STYK1: variants seen among roughly 807,000 people sequenced by gnomAD.
The protein encoded by STYK1 is STY kinase 1.
STYK1 carries 46 observed loss-of-function variants against 48.1 expected under a neutral mutation model. The observed-to-expected ratio is 0.96, with a 90% CI of 0.75 to 1.22. The LOEUF is 1.22. Among genes scored for constraint, STYK1 ranks in the 50% most tolerant of loss-of-function variants. The probability of loss-of-function intolerance (pLI) is 0.00; values close to 1 mark genes in which losing one functional copy is unlikely to be tolerated. For synonymous variants in STYK1, 188 were observed against 189.0 expected, an observed-to-expected ratio of 0.99 and a Z score of 0.04; for missense variants, 527 against 521.1, an observed-to-expected ratio of 1.01 and a Z score of -0.11.
chr12:10,624,526 G>C, intron 8 of STYK1, 125 bp downstream of exon 8: 1 of 819,932 alleles, frequency 1.2e-6, no homozygotes. Context: ...TTCTGCTTGA[G>C]AGTATGTCTG....
chr12:10,635,708 T>C (rs931144814), intron 2 of STYK1, among the ~76,000 whole-genome samples: 1 of 152,254 alleles, frequency 6.6e-6, no homozygotes, highest in Non-Finnish European at 1.5e-5. Context: ...AAGTAGACTC[T>C]AGTTATTAGT....
chr12:10,653,604 C>T (rs2120752756), intron 1 of STYK1, among the ~76,000 whole-genome samples: 1 of 152,186 alleles, frequency 6.6e-6, no homozygotes, highest in South Asian at 2.1e-4. Flanking sequence ...ATATCATTTC[C>T]TCAAAATCCA....
rs187824694 is a variant in STYK1, at chr12:10,643,455, T to G, written c.-194-6259A>C. On this transcript the variant is annotated intron_variant, in intron 1 of 10. Transcript: ENST00000075503. Reference sequence around the variant, plus strand: ...CCTGAATTTTGCTCTGTAACTGAACTGTCCATTCAAGACAGCTCTACTTCT... The same window carrying G: ...CCTGAATTTTGCTCTGTAACTGAACGGTCCATTCAAGACAGCTCTACTTCT... 1.4e-4 allele frequency among the ~76,000 whole-genome samples: 22 copies of G among 152,346 alleles called. No homozygotes were observed. The East Asian group carries it at 3.9e-3, about 27-fold the overall frequency.
intron 1 of STYK1, among the ~76,000 whole-genome samples, chr12:10,660,655 A>G (rs1302345229): frequency 6.6e-6 from 1 of 152,018 alleles, no homozygotes; most frequent in Admixed American, 6.6e-5. Context: ...GTGGCAAAGA[A>G]GCAAGCCAAA....
chr12:10,624,734 G>A lies in STYK1; in HGVS notation c.843C>T (p.Ala281=). 1 of 1,614,134 alleles carries A rather than the reference G, an allele frequency of 6.2e-7. No homozygotes were observed. Among genetic ancestry groups the A allele is most frequent in the Non-Finnish European group, 8.5e-7 (1 of 1,180,028 alleles). The change falls in exon 8 of 11, where the codon GCC becomes GCT. Residue 281 remains alanine (A), a synonymous_variant. Coordinates refer to ENST00000075503, the MANE Select transcript of STYK1 (RefSeq NM_018423.3). ...GLAYEVYTRG[A]ISSTQTIPLK... Reference sequence around the variant, plus strand: ...GAGGTATGGTTTGAGTAGAGGAGATGGCCCCTCGGGTGTAAACTTCATAAG... The same window carrying A: ...GAGGTATGGTTTGAGTAGAGGAGATAGCCCCTCGGGTGTAAACTTCATAAG...
chr12:10,656,580 A>G (rs901931716), intron 1 of STYK1, among the ~76,000 whole-genome samples: 27 of 152,264 alleles, frequency 1.8e-4, no homozygotes, highest in African/African-American at 6.3e-4. Flanking sequence ...AGCCGAGATC[A>G]CGTCACTGCA....
intron 1 of STYK1, among the ~76,000 whole-genome samples, chr12:10,663,458 G>T (rs1444867323): frequency 6.6e-6 from 1 of 151,894 alleles, no homozygotes; most frequent in African/African-American, 2.4e-5. Context: ...AATTAGCCAG[G>T]CGCGGTGACA....
chr12:10,674,045 C>T lies in STYK1; in HGVS notation c.-274G>A, dbSNP rs1230142134. On this transcript the variant is annotated 5_prime_UTR_variant, in exon 1 of 11. Transcript: ENST00000075503. ...GAAATAATGACAGGGTTGGGTAGGG[C>T]AAGGTGTGCCAGCCTCAAGGAAATG... is the stretch of plus-strand genomic sequence containing the variant. The T allele has an allele frequency of 6.6e-6, 1 of 152,292 alleles. No homozygotes were observed. Among genetic ancestry groups the T allele is most frequent in the East Asian group, 1.9e-4 (1 of 5,186 alleles). 9.4% of individuals were successfully genotyped at this position (152,292 alleles called of 1,614,324 possible).
In STYK1 at chr12:10,619,485, G is replaced by C. The variant is rs1217596226; in HGVS notation, c.*659C>G. ...TGTTGAATGTTCTTAATCATGAAAT[G>C]ACTCCTCCACCTTCTAATTAAACGT... On this transcript the variant is annotated 3_prime_UTR_variant, in exon 11 of 11. Coordinates refer to ENST00000075503, the MANE Select transcript of STYK1 (RefSeq NM_018423.3). The C allele has an allele frequency of 6.6e-6, 1 of 152,268 alleles. No individual in the cohort carries two copies. Among genetic ancestry groups the C allele is most frequent in the African/African-American group, 2.4e-5 (1 of 41,442 alleles). The allele number at this position is 152,268 out of a possible 1,614,324, so 9.4% of individuals were successfully genotyped here.
chr12:10,642,135 C>T (rs1182145729), intron 1 of STYK1, among the ~76,000 whole-genome samples: 1 of 152,192 alleles, frequency 6.6e-6, no homozygotes, highest in Non-Finnish European at 1.5e-5. Flanking sequence ...AGTTATGCTA[C>T]CTCTCCTTGT....
At chr12:10,666,750 T>A (rs536070630) in intron 1 of STYK1, among the ~76,000 whole-genome samples, 1 of 152,230 alleles carries the variant, frequency 6.6e-6, no homozygotes, top group Non-Finnish European at 1.5e-5. Context: ...CCCCTTTGCT[T>A]CCTTCACATG....
At chr12:10,631,401 G>C (rs1353856599) in intron 4 of STYK1, 93 bp from the exon 5 acceptor site, 2 of 1,510,236 alleles carry the variant, frequency 1.3e-6, no homozygotes, top group African/African-American at 2.8e-5. Flanking sequence ...GGTTCCTTCA[G>C]CAGTTTTCTC....
At position 10,620,277 on chromosome 12, in the gene STYK1, C is replaced by A. The variant is rs34638573; in HGVS notation, c.1136G>T (p.Arg379Leu). 1.9e-6 allele frequency: 3 copies of A among 1,613,946 alleles called. No homozygotes were observed. In the South Asian group the frequency reaches 3.3e-5, roughly 18 times the overall value. ...TGCAGTTTTAATGGCAGCTTCTAGG[C>A]GCAAGCGCAGCTCTCTAGGTGAGGG... Reference protein sequence around the residue: ...DRPSPRELRLRLEAAIKTADD... With the variant: ...DRPSPRELRLLLEAAIKTADD... The change falls in exon 11 of 11, where the codon CGC becomes CTC. Residue 379 changes from arginine to leucine, a missense_variant. Transcript: ENST00000075503.
Position 10,619,833 on chromosome 12 carries a change from A to T in STYK1, c.*311T>A. 4.7e-6 allele frequency: 2 copies of T among 423,734 alleles called. No individual in the cohort carries two copies. The highest frequency in any genetic ancestry group is 8.3e-6 in the Non-Finnish European group (2 of 241,258). The allele number at this position is 423,734 out of a possible 1,614,324, so 26.2% of individuals were successfully genotyped here. Reference sequence around the variant, plus strand: ...AGGAAACTAGCCTCGGACGGGAGGGATGAGCTTATTTGTGCCATGCCCCAA... The same window carrying T: ...AGGAAACTAGCCTCGGACGGGAGGGTTGAGCTTATTTGTGCCATGCCCCAA... On this transcript the variant is annotated 3_prime_UTR_variant, in exon 11 of 11. Transcript: ENST00000075503.
Position 10,629,675 on chromosome 12 carries a change from C to A in STYK1, c.452-1G>T. ...TGTACCTCATGGAGCCCAGCTGGTTCTGTAGAGGACGAAAGATCCAGGCAG... is the reference window on the plus strand; with the variant it reads ...TGTACCTCATGGAGCCCAGCTGGTTATGTAGAGGACGAAAGATCCAGGCAG... On this transcript the variant is annotated splice_acceptor_variant, in intron 5 of 10. Coordinates refer to ENST00000075503, the MANE Select transcript of STYK1 (RefSeq NM_018423.3). LOFTEE classifies it high-confidence loss of function. 1.2e-6 allele frequency: 2 copies of A among 1,614,068 alleles called. No homozygotes were observed. Among genetic ancestry groups the A allele is most frequent in the South Asian group, 2.2e-5 (2 of 91,032 alleles).
intron 2 of STYK1, among the ~76,000 whole-genome samples, chr12:10,635,659 T>G (rs967392666): frequency 1.3e-4 from 20 of 152,236 alleles, no homozygotes; most frequent in Admixed American, 1.3e-4. Context: ...CCCATTCTTC[T>G]CCATTTATCC....
Position 10,634,144 on chromosome 12 carries a change from G to T in STYK1, c.53-20C>A. Reference sequence around the variant, plus strand: ...GGATGACTGGGTAGGCGATCACACAGGAAGAGAAGAGAATGAAGAAGCCTA... The same window carrying T: ...GGATGACTGGGTAGGCGATCACACATGAAGAGAAGAGAATGAAGAAGCCTA... On this transcript the variant is annotated intron_variant, in intron 3 of 10. Coordinates refer to ENST00000075503, the MANE Select transcript of STYK1 (RefSeq NM_018423.3). 1.3e-6 allele frequency: 2 copies of T among 1,500,924 alleles called. No homozygotes were observed. Among genetic ancestry groups the T allele is most frequent in the Non-Finnish European group, 1.8e-6 (2 of 1,127,848 alleles). The allele number at this position is 1,500,924 out of a possible 1,614,324, so 93.0% of individuals were successfully genotyped here.
At chr12:10,622,728 AAG>A in intron 8 of STYK1, 50 bp from the exon 9 acceptor site, 1 of 1,609,760 alleles carries the variant, frequency 6.2e-7, no homozygotes, top group Non-Finnish European at 8.5e-7. Context: ...TGTTTTTCTA[AAG>A]AGAGCTCATT....
chr12:10,652,384 A>T (rs7297389), intron 1 of STYK1, among the ~76,000 whole-genome samples: 83,460 of 151,700 alleles, frequency 0.55, 23,639 homozygotes, highest in East Asian at 0.79. Context: ...CGGGTCATAG[A>T]ATTGCGCAAT....
Sources: gnomAD v4.1 joint callset for allele counts (sites outside exome capture counted in the v4.1 genomes callset) on GRCh38, gnomAD v4.1.1 for gene constraint, MANE v1.5 for transcripts, NCBI Gene and HGNC (gene_info 2026-07-23, HGNC 2026-07-21) for gene names.